Variants in KLRD1 observed in about 807,000 individuals in gnomAD.
KLRD1 encodes natural killer cells antigen CD94.
Under a neutral mutation model 22.6 loss-of-function variants are expected in KLRD1, and 21 were observed. The observed-to-expected ratio is 0.93, with a 90% CI of 0.66 to 1.34. KLRD1 has a LOEUF of 1.34. KLRD1 is among the 40% of genes most tolerant of loss of function. KLRD1 has a pLI of 0.00. For synonymous variants in KLRD1, 59 were observed against 71.1 expected (o/e 0.83, Z 0.85); for missense variants, 183 against 208.6 (o/e 0.88, Z 0.76).
intron 1 of KLRD1, among the ~76,000 whole-genome samples, chr12:10,298,512 C>T (rs1009640718): frequency 6.6e-6 from 1 of 152,202 alleles, no homozygotes; most frequent in Non-Finnish European, 1.5e-5. Context: ...TGGCCATAAA[C>T]TGGCCCCAAA....
intron 1 of KLRD1, among the ~76,000 whole-genome samples, chr12:10,279,776 A>G (rs1318121323): frequency 6.6e-6 from 1 of 152,148 alleles, no homozygotes; most frequent in Admixed American, 6.6e-5. Context: ...TCACATTATT[A>G]TCTGTCTCTA....
Position 10,324,816 on chromosome 12 carries a change from G to GTATATATATATATATATATATATATA in KLRD1, c.*10024_*10025insATATATATATATATATATATATATAT, listed in dbSNP as rs1397212198. ...TAAGTATATATGTATATGTGTGTGT[G>GTATATATATATATATATATATATATA]TGTATATATATATATATATATATAT... On this transcript the variant is annotated 3_prime_UTR_variant, in exon 6 of 6. Coordinates refer to ENST00000336164, the MANE Select transcript of KLRD1 (RefSeq NM_002262.5). The GTATATATATATATATATATATATATA allele has an allele frequency of 1.2e-4, 2 of 16,600 alleles. No individual in the cohort carries two copies. Among genetic ancestry groups the GTATATATATATATATATATATATATA allele is most frequent in the African/African-American group, 1.7e-4 (2 of 11,934 alleles). The allele number at this position is 16,600 out of a possible 1,614,324, so 1.0% of individuals were successfully genotyped here. A position where few individuals can be genotyped will look rare whatever the true frequency, so the allele number is the denominator to read the frequency against.
chr12:10,322,412 G>A lies in KLRD1; in HGVS notation c.*7619G>A, dbSNP rs1950319775. ...ATATTTCCTTCTTTGAGGTTCTATT[G>A]TTATAACCCTTATACAATAAAAAAC... On this transcript the variant is annotated 3_prime_UTR_variant, in exon 6 of 6. Transcript: ENST00000336164. The A allele has an allele frequency of 6.6e-6, 1 of 151,950 alleles. No individual in the cohort carries two copies. The highest frequency in any genetic ancestry group is 2.4e-5 in the African/African-American group (1 of 41,392). 9.4% of individuals were successfully genotyped at this position (151,950 alleles called of 1,614,324 possible).
intron 1 of KLRD1, among the ~76,000 whole-genome samples, chr12:10,263,751 A>G (rs1288559575): frequency 1.3e-5 from 2 of 152,122 alleles, no homozygotes; most frequent in Admixed American, 1.3e-4. Flanking sequence ...TGCTAGACTC[A>G]TGGAAATAAA....
intron 1 of KLRD1, among the ~76,000 whole-genome samples, chr12:10,289,353 A>G (rs1229915149): frequency 2.0e-5 from 3 of 152,236 alleles, no homozygotes; most frequent in African/African-American, 7.2e-5. Context: ...TATTTAGAAA[A>G]GATACACATT....
At chr12:10,295,756 A>C (rs569152147) in intron 1 of KLRD1, among the ~76,000 whole-genome samples, 50 of 152,278 alleles carry the variant, frequency 3.3e-4, no homozygotes, top group Non-Finnish European at 2.9e-5. Context: ...AAATATAGAC[A>C]CCCATTTTTC....
chr12:10,294,051 T>C (rs1949800728), intron 1 of KLRD1, among the ~76,000 whole-genome samples: 2 of 152,222 alleles, frequency 1.3e-5, no homozygotes, highest in African/African-American at 4.8e-5. Context: ...ATGGTCGCTG[T>C]ACATCAAAGA....
chr12:10,311,254 T>C (rs2137703309), intron 3 of KLRD1, among the ~76,000 whole-genome samples: 1 of 152,362 alleles, frequency 6.6e-6, no homozygotes, highest in Non-Finnish European at 1.5e-5. Flanking sequence ...TATATAATTG[T>C]AATTCTATCT....
chr12:10,312,301 C>T (rs1265133261), intron 4 of KLRD1, among the ~76,000 whole-genome samples: 1 of 152,040 alleles, frequency 6.6e-6, no homozygotes, highest in South Asian at 2.1e-4. Context: ...ATCTACCCTC[C>T]TTGGCCTCCC....
intron 1 of KLRD1, among the ~76,000 whole-genome samples, chr12:10,257,139 C>CTTTTTTTTTTTTTT (rs55950006): frequency 1.5e-5 from 2 of 130,286 alleles, no homozygotes; most frequent in African/African-American, 6.3e-5. Flanking sequence ...CTTTTCTTTT[C>CTTTTTTTTTTTTTT]TTTTTTTTTT....
chr12:10,256,883 C>A (rs1949401424), intron 1 of KLRD1, among the ~76,000 whole-genome samples: 2 of 151,954 alleles, frequency 1.3e-5, no homozygotes, highest in African/African-American at 4.8e-5. Flanking sequence ...TCTCTTAGGG[C>A]AGGTTTAGTG....
At chr12:10,288,067 C>CA (rs35335784) in intron 1 of KLRD1, among the ~76,000 whole-genome samples, 4,721 of 92,824 alleles carry the variant, frequency 0.051, 348 homozygotes, top group African/African-American at 0.18. Context: ...GACTCTGTCT[C>CA]AAAAAAAAAA....
Position 10,288,191 on chromosome 12 carries a change from C to T in KLRD1, c.-100-19787C>T, listed in dbSNP as rs140513047. 3.7e-3 allele frequency among the ~76,000 whole-genome samples: 548 copies of T among 148,728 alleles called. 5 individuals carry two copies. The highest frequency in any genetic ancestry group is 0.013 in the African/African-American group (531 of 40,206). On this transcript the variant is annotated intron_variant, in intron 1 of 5. Coordinates refer to the KLRD1 transcript ENST00000544747. ...CCAGGAGGTGGAGGTTACAGTGAGC[C>T]GATATTGCGCCACTGCACTCCAGTC...
intron 1 of KLRD1, among the ~76,000 whole-genome samples, chr12:10,299,064 G>T (rs1373854249): frequency 1.3e-5 from 2 of 152,084 alleles, no homozygotes; most frequent in East Asian, 1.9e-4. Context: ...CTCTCTAATG[G>T]TATAGAAAGG....
At chr12:10,268,337 G>A (rs1325653698) in intron 1 of KLRD1, among the ~76,000 whole-genome samples, 1 of 152,126 alleles carries the variant, frequency 6.6e-6, no homozygotes, top group Non-Finnish European at 1.5e-5. Flanking sequence ...TGATTTATGT[G>A]ATTTTTTTCT....
chr12:10,276,782 A>G (rs1230807653), intron 1 of KLRD1, among the ~76,000 whole-genome samples: 2 of 152,170 alleles, frequency 1.3e-5, no homozygotes, highest in East Asian at 3.8e-4. Context: ...AGCACCAGGA[A>G]GTTTGACCTC....
rs568181693 is a variant in KLRD1 at position 10,326,706 on chromosome 12, T to G, written c.*11913T>G. The stretch of plus-strand genomic sequence containing the variant: ...AGGTCACAGGTAAGGGACAAATGGT[T>G]GCATCTTTTTGTTTCTGATTAGCCT... On this transcript the variant is annotated 3_prime_UTR_variant, in exon 6 of 6. Transcript: ENST00000336164. 1.6e-3 allele frequency: 245 copies of G among 152,314 alleles called. 1 individual carries two copies. The highest frequency in any genetic ancestry group is 5.7e-3 in the African/African-American group (237 of 41,556). The allele number at this position is 152,314 out of a possible 1,614,324, so 9.4% of individuals were successfully genotyped here.
At chr12:10,284,126 C>T (rs1375340480) in intron 1 of KLRD1, among the ~76,000 whole-genome samples, 1 of 151,856 alleles carries the variant, frequency 6.6e-6, no homozygotes, top group African/African-American at 2.4e-5. Flanking sequence ...GTGGAGGTTG[C>T]AGTGAGCCCA....
chr12:10,251,483 A>C (rs148452536), intron 1 of KLRD1, among the ~76,000 whole-genome samples: 1 of 152,018 alleles, frequency 6.6e-6, no homozygotes, highest in Non-Finnish European at 1.5e-5. Context: ...GTGGTCCCCA[A>C]ACTTTTTGGC....
Sources: allele counts gnomAD v4.1 joint callset (sites outside exome capture counted in the v4.1 genomes callset), GRCh38; gene constraint gnomAD v4.1.1; transcripts MANE v1.5; gene names NCBI Gene and HGNC (gene_info 2026-07-23, HGNC 2026-07-21).